The following STOX2 variants were observed in gnomAD, a reference collection of about 807,000 sequenced individuals.
STOX2 encodes the protein storkhead box 2, also known as storkhead-box protein 2.
Under a neutral mutation model 60.9 loss-of-function variants are expected in STOX2, and 28 were observed. The ratio of observed to expected loss-of-function variants is 0.46; its 90% CI spans 0.34 to 0.63. The LOEUF (loss-of-function observed/expected upper bound fraction) is 0.63, where lower values mean the gene tolerates loss of function less well. Ranked by LOEUF, STOX2 falls within the 30% of genes least tolerant of loss-of-function variation. The pLI, the probability that STOX2 is intolerant of heterozygous loss-of-function variation, is 0.01. For missense variants in STOX2, 1,024 were observed against 1,187.7 expected (o/e 0.86, Z 2.03); for synonymous variants, 472 against 463.9 (o/e 1.02, Z -0.22).
intron 1 of STOX2, among the ~76,000 whole-genome samples, chr4:183,935,829 A>C (rs1198864893): frequency 6.6e-6 from 1 of 152,214 alleles, no homozygotes; most frequent in Non-Finnish European, 1.5e-5. Context: ...AGAGATTTCT[A>C]GTGATGGTGT....
At chr4:183,955,089 T>C (rs1743209851) in intron 1 of STOX2, among the ~76,000 whole-genome samples, 1 of 152,254 alleles carries the variant, frequency 6.6e-6, no homozygotes. Flanking sequence ...TTTCTAAATG[T>C]GCTTGTAATG....
chr4:183,965,231 T>G (rs2111167140), intron 1 of STOX2, among the ~76,000 whole-genome samples: 1 of 152,326 alleles, frequency 6.6e-6, no homozygotes, highest in South Asian at 2.1e-4. Flanking sequence ...TAGAACGACA[T>G]TTGAATCCTG....
chr4:183,843,153 A>G (rs1285765438), intron 1 of STOX2, among the ~76,000 whole-genome samples: 1 of 151,622 alleles, frequency 6.6e-6, no homozygotes, highest in Non-Finnish European at 1.5e-5. Context: ...ATCTCAAAAA[A>G]AAAAAAAAAA....
chr4:183,850,843 AGAAAGGATGAGG>A (rs1264530095), intron 1 of STOX2, among the ~76,000 whole-genome samples: 78 of 140,588 alleles, frequency 5.5e-4, no homozygotes, highest in Middle Eastern at 3.9e-3. Context: ...AAAGGATGAG[AGAAAGGATGAGG>A]GAAAGGATGA....
At chr4:183,840,008 G>A (rs1380727446) in intron 1 of STOX2, among the ~76,000 whole-genome samples, 1 of 152,052 alleles carries the variant, frequency 6.6e-6, no homozygotes, top group Admixed American at 6.6e-5. Context: ...AACACTCAGC[G>A]TGCAAGGATT....
intron 1 of STOX2, among the ~76,000 whole-genome samples, chr4:183,947,976 G>C (rs1464739079): frequency 1.3e-5 from 2 of 152,060 alleles, no homozygotes; most frequent in Non-Finnish European, 2.9e-5. Context: ...TAGCACTTTG[G>C]GAAGCTGAGG....
rs1560853213 is a variant in STOX2 at position 183,865,307 on chromosome 4, GGTTTT to G, written c.364+67253_364+67257del. ...TTATTCTCTCTCTTCTTAGATACTCGGTTTTAAAGTGACTGGGGTGGGTGGGATTG... is the reference window on the plus strand; with the variant it reads ...TTATTCTCTCTCTTCTTAGATACTCGAAAGTGACTGGGGTGGGTGGGATTG... On this transcript the variant is annotated intron_variant, in intron 1 of 2. Coordinates refer to the STOX2 transcript ENST00000513034. This position sits in a 1 kb window ranked among gnomAD's most constrained non-coding sequence, Gnocchi z 4.1. 3.3e-5 allele frequency among the ~76,000 whole-genome samples: 5 copies of G among 152,018 alleles called. No individual in the cohort carries two copies. Among genetic ancestry groups the G allele is most frequent in the Admixed American group, 1.3e-4 (2 of 15,254 alleles).
Position 183,970,183 on chromosome 4 carries a change from G to GT in STOX2, c.167-31142_167-31141insT, listed in dbSNP as rs1560911423. Reference sequence around the variant, plus strand: ...GTGTGTGTGTGTGTGTGTGTGTGTGGGGTTCCAGCTGAATTTTCTGTCCCG... The same window carrying GT: ...GTGTGTGTGTGTGTGTGTGTGTGTGGTGGTTCCAGCTGAATTTTCTGTCCCG... On this transcript the variant is annotated intron_variant, in intron 1 of 3. Transcript: ENST00000308497. 5.2e-3 allele frequency among the ~76,000 whole-genome samples: 306 copies of GT among 59,040 alleles called. 4 individuals are homozygous for GT. Among genetic ancestry groups the GT allele is most frequent in the African/African-American group, 0.012 (280 of 22,650 alleles). The allele number at this position is 59,040 out of a possible 152,430, so 38.7% of individuals were successfully genotyped here.
intron 1 of STOX2, among the ~76,000 whole-genome samples, chr4:183,960,550 T>G (rs1743383230): frequency 6.6e-6 from 1 of 152,188 alleles, no homozygotes; most frequent in Non-Finnish European, 1.5e-5. Context: ...AGTCAACATT[T>G]CATTTGATTG....
chr4:183,893,164 T>C (rs539327884), intron 1 of STOX2, among the ~76,000 whole-genome samples: 1 of 152,284 alleles, frequency 6.6e-6, no homozygotes, highest in Admixed American at 6.5e-5. Flanking sequence ...CTTCTGGTTC[T>C]TTCTCACGGT....
Position 184,010,102 on chromosome 4 carries a change from A to C in STOX2, c.1264A>C (p.Ile422Leu), listed in dbSNP as rs766237960. The C allele has an allele frequency of 5.6e-6, 9 of 1,600,866 alleles. No individual in the cohort carries two copies. Among genetic ancestry groups the C allele is most frequent in the Non-Finnish European group, 7.7e-6 (9 of 1,173,300 alleles). Reference protein sequence around the residue: ...FIIEHKGDNFIMHSNTNVLES... With the variant: ...FIIEHKGDNFLMHSNTNVLES... ...CATTGAACACAAAGGAGATAACTTCATCATGCACAGCAACACAAACGTGCT... is the reference window on the plus strand; with the variant it reads ...CATTGAACACAAAGGAGATAACTTCCTCATGCACAGCAACACAAACGTGCT... The change falls in exon 3 of 4, where the codon ATC becomes CTC. Residue 422 changes from isoleucine (I) to leucine (L), a missense_variant. Physicochemically the swap from Ile to Leu is conservative, Grantham distance 5 (BLOSUM62 2). Transcript: ENST00000308497. This position sits in a 1 kb window ranked among gnomAD's most constrained non-coding sequence, Gnocchi z 4.5.
intron 1 of STOX2, among the ~76,000 whole-genome samples, chr4:183,977,586 TCTGTTAATGAACA>T (rs545490569): frequency 5.7e-4 from 80 of 140,606 alleles, no homozygotes; most frequent in African/African-American, 2.2e-3. Flanking sequence ...AGTCCAGTTA[TCTGTTAATGAACA>T]CTTAGGTTGG....
chr4:184,006,175 A>G (rs1461340181), intron 2 of STOX2, among the ~76,000 whole-genome samples: 2 of 152,248 alleles, frequency 1.3e-5, no homozygotes, highest in African/African-American at 2.4e-5. Flanking sequence ...AGCTATTTTT[A>G]TGACGTATAC....
chr4:183,894,871 A>T (rs1741306199), intron 1 of STOX2, among the ~76,000 whole-genome samples: 1 of 152,194 alleles, frequency 6.6e-6, no homozygotes, highest in Non-Finnish European at 1.5e-5. Context: ...GCTGCGGGGA[A>T]GTCATTTGAG....
At chr4:183,916,657 A>G (rs1000290486) in intron 1 of STOX2, among the ~76,000 whole-genome samples, 4 of 152,356 alleles carry the variant, frequency 2.6e-5, no homozygotes, top group African/African-American at 9.6e-5. Flanking sequence ...CAGCATGGGT[A>G]TAAAACTGTA....
intron 1 of STOX2, among the ~76,000 whole-genome samples, chr4:183,848,109 G>T (rs1740027951): frequency 6.6e-6 from 1 of 152,284 alleles, no homozygotes; most frequent in Non-Finnish European, 1.5e-5. Context: ...GCGTGTGGTT[G>T]CCTGTAACAG....
intron 1 of STOX2, among the ~76,000 whole-genome samples, chr4:183,958,123 A>G (rs1373122844): frequency 6.6e-6 from 1 of 151,768 alleles, no homozygotes; most frequent in Non-Finnish European, 1.5e-5. Flanking sequence ...GGGGGATGGT[A>G]GAATAGTATT....
intron 1 of STOX2, among the ~76,000 whole-genome samples, chr4:183,933,609 G>A (rs1042787283): frequency 2.6e-5 from 4 of 152,032 alleles, no homozygotes; most frequent in Non-Finnish European, 4.4e-5. Context: ...GGCTGGCCTC[G>A]AACTCCTGAC....
intron 1 of STOX2, among the ~76,000 whole-genome samples, chr4:183,983,370 C>T (rs1416019135): frequency 2.6e-5 from 4 of 152,180 alleles, no homozygotes; most frequent in African/African-American, 7.2e-5. Flanking sequence ...AATATAGGAG[C>T]GGTACTCATT....
Sources: gnomAD v4.1 joint callset for allele counts (sites outside exome capture counted in the v4.1 genomes callset) on GRCh38, gnomAD v4.1.1 for gene constraint, Gnocchi (gnomAD v3.1) non-coding constraint, MANE v1.5 for transcripts, NCBI Gene and HGNC (gene_info 2026-07-23, HGNC 2026-07-21) for gene names.